Variants in PYHIN1 observed in about 807,000 individuals in gnomAD.
PYHIN1 encodes the protein pyrin and HIN domain-containing protein 1.
PYHIN1 carries 32 observed loss-of-function variants against 43.7 expected under a neutral mutation model. The ratio of observed to expected loss-of-function variants is 0.73; its 90% confidence interval spans 0.55 to 0.98. The LOEUF is 0.98. Ranked by LOEUF, PYHIN1 falls within the 50% of genes least tolerant of loss-of-function variation. The probability of loss-of-function intolerance (pLI) is 0.00; values close to 1 mark genes in which losing one functional copy is unlikely to be tolerated. For missense variants in PYHIN1, 588 were observed against 589.5 expected (o/e 1.00, Z 0.03); for synonymous variants, 205 against 203.1 (o/e 1.01, Z -0.08).
chr1:158,961,833 G>C (rs1006608011), intron 7 of PYHIN1, among the ~76,000 whole-genome samples: 1 of 152,134 alleles, frequency 6.6e-6, no homozygotes, highest in Non-Finnish European at 1.5e-5. Flanking sequence ...TGGAATTAGC[G>C]GCTGCAGCTC....
intron 7 of PYHIN1, among the ~76,000 whole-genome samples, chr1:158,947,142 A>G (rs1649267744): frequency 6.6e-6 from 1 of 152,224 alleles, no homozygotes; most frequent in African/African-American, 2.4e-5. Flanking sequence ...ATTGATCCCA[A>G]CTGAATACAA....
In PYHIN1 at chr1:158,933,488, T is replaced by C. The variant is rs1468774107; in HGVS notation, c.-21+1712T>C. Among the ~76,000 whole-genome samples the C allele has an allele frequency of 6.6e-6, 1 of 152,062 alleles. No homozygotes were observed. Among genetic ancestry groups the C allele is most frequent in the Non-Finnish European group, 1.5e-5 (1 of 67,932 alleles). On this transcript the variant is annotated intron_variant, in intron 1 of 8. Transcript: ENST00000368140. This position sits in a 1 kb window ranked among gnomAD's most constrained non-coding sequence, Gnocchi z 6.3. ...CATAGATAAGCTGGCTTTCTTCTAG[T>C]TTCTCCTTGCATGATAATTTAAATT...
chr1:158,962,824 G>A (rs957988574), intron 7 of PYHIN1, among the ~76,000 whole-genome samples: 1 of 151,978 alleles, frequency 6.6e-6, no homozygotes, highest in Admixed American at 6.5e-5. Context: ...CTAAGCATAC[G>A]GTCTGCTAGT....
At chr1:158,943,672 C>T (rs572512827) in intron 5 of PYHIN1, 118 bp from the exon 6 acceptor site, 5 of 607,080 alleles carry the variant, frequency 8.2e-6, no homozygotes, top group Admixed American at 3.0e-5. Flanking sequence ...TATTGTATGT[C>T]GATACAGTAC....
Position 158,973,670 on chromosome 1 carries a change from A to G in PYHIN1, c.1383A>G (p.Ala461=), listed in dbSNP as rs749877291. The part of the protein sequence containing the change: ...FTKKDETHPG[A]QSSPANFRIT... ...AGAAGGATGAAACCCACCCAGGAGCACAGTCATCGCCTGCAAACTTTAGAA... is the reference window on the plus strand; with the variant it reads ...AGAAGGATGAAACCCACCCAGGAGCGCAGTCATCGCCTGCAAACTTTAGAA... The change falls in exon 8 of 9, where the codon GCA becomes GCG. Residue 461 remains alanine (A), a synonymous_variant. Coordinates refer to ENST00000368140, the MANE Select transcript of PYHIN1 (RefSeq NM_152501.5). 1.9e-6 allele frequency: 3 copies of G among 1,613,230 alleles called. No individual in the cohort carries two copies. The highest frequency in any genetic ancestry group is 1.3e-5 in the African/African-American group (1 of 74,984).
At chr1:158,950,374 A>G (rs1649460986) in intron 7 of PYHIN1, among the ~76,000 whole-genome samples, 1 of 152,144 alleles carries the variant, frequency 6.6e-6, no homozygotes, top group South Asian at 2.1e-4. Context: ...GGCTTGTGTC[A>G]TCCGAGGAAG....
At chr1:158,973,216 G>A (rs147026394) in intron 7 of PYHIN1, among the ~76,000 whole-genome samples, 83 of 152,114 alleles carry the variant, frequency 5.5e-4, no homozygotes, top group African/African-American at 1.9e-3. Flanking sequence ...CTTTACAGGA[G>A]TTTGCTATAT....
Position 158,942,408 on chromosome 1 carries a change from T to G in PYHIN1, c.1002+9T>G, listed in dbSNP as rs756641329. On this transcript the variant is annotated intron_variant, in intron 5 of 8. Coordinates refer to ENST00000368140, the MANE Select transcript of PYHIN1 (RefSeq NM_152501.5). ...TATTTATGCTACATACGGTAAGGCA[T>G]CAAAGCTATTTTGTGGCATTTTCTA... is the stretch of plus-strand genomic sequence containing the variant. 5.1e-6 allele frequency: 8 copies of G among 1,554,064 alleles called. No homozygotes were observed. The South Asian group carries it at 1.0e-4, about 19-fold the overall frequency.
At chr1:158,934,336 T>C (rs1648375648) in intron 1 of PYHIN1, among the ~76,000 whole-genome samples, 1 of 152,224 alleles carries the variant, frequency 6.6e-6, no homozygotes, top group South Asian at 2.1e-4. Context: ...GTTGTCATAC[T>C]CACAAAACAA....
At chr1:158,948,931 A>G (rs1649369863) in intron 7 of PYHIN1, among the ~76,000 whole-genome samples, 1 of 152,212 alleles carries the variant, frequency 6.6e-6, no homozygotes, top group African/African-American at 2.4e-5. Context: ...TGGGTCACAA[A>G]GGCGGAGTTT....
At chr1:158,941,034 T>C (rs964962426) in intron 4 of PYHIN1, among the ~76,000 whole-genome samples, 2 of 152,226 alleles carry the variant, frequency 1.3e-5, no homozygotes, top group African/African-American at 4.8e-5. Flanking sequence ...GATTAACTTG[T>C]GTTGGGAAAG....
chr1:158,967,976 A>G (rs1222015590), intron 7 of PYHIN1, among the ~76,000 whole-genome samples: 1 of 152,120 alleles, frequency 6.6e-6, no homozygotes, highest in African/African-American at 2.4e-5. Context: ...TGTAAAATCT[A>G]AAACTATAAA....
Position 158,939,003 on chromosome 1 carries a change from T to C in PYHIN1, c.412-77T>C, listed in dbSNP as rs1648731184. 5 of 1,111,646 alleles carry C rather than the reference T, an allele frequency of 4.5e-6. No individual in the cohort carries two copies. The African/African-American group carries it at 7.9e-5, about 18-fold the overall frequency. The allele number at this position is 1,111,646 out of a possible 1,614,324, so 68.9% of individuals were successfully genotyped here. A position where few individuals can be genotyped will look rare whatever the true frequency, so the allele number is the denominator to read the frequency against. On this transcript the variant is annotated intron_variant, in intron 3 of 8. Coordinates refer to ENST00000368140, the MANE Select transcript of PYHIN1 (RefSeq NM_152501.5). ...AAAAACAATTTATATACAATAAATA[T>C]ATTACCTTGTAATGAAAATGTGCTC...
the PYHIN1 span, among the ~76,000 whole-genome samples, chr1:158,984,656 T>C: frequency 6.6e-6 from 1 of 152,198 alleles, no homozygotes; most frequent in Non-Finnish European, 1.5e-5. Flanking sequence ...CTTATATGTC[T>C]GTTAGGTCAA....
the PYHIN1 span, among the ~76,000 whole-genome samples, chr1:158,985,920 C>G: frequency 6.6e-6 from 1 of 152,080 alleles, no homozygotes; most frequent in Non-Finnish European, 1.5e-5. Flanking sequence ...TCTGAGATTT[C>G]TTTCCTCAGC....
chr1:158,978,925 G>A (rs542876032), downstream of PYHIN1, among the ~76,000 whole-genome samples: 1 of 152,286 alleles, frequency 6.6e-6, no homozygotes, highest in African/African-American at 2.4e-5. Flanking sequence ...TTTGAAATGT[G>A]TGAACCAAAG....
chr1:158,956,688 T>G (rs1035164980), intron 7 of PYHIN1, among the ~76,000 whole-genome samples: 56 of 151,208 alleles, frequency 3.7e-4, no homozygotes, highest in African/African-American at 1.1e-3. Context: ...CTTTGAAAAC[T>G]GGCACAAGAC....
the PYHIN1 span, among the ~76,000 whole-genome samples, chr1:158,983,071 T>A: frequency 6.6e-6 from 1 of 152,164 alleles, no homozygotes; most frequent in South Asian, 2.1e-4. Flanking sequence ...GGGTATAGAA[T>A]CATATTACCT....
At chr1:158,947,222 G>T (rs1236446107) in intron 7 of PYHIN1, among the ~76,000 whole-genome samples, 1 of 151,986 alleles carries the variant, frequency 6.6e-6, no homozygotes, top group Non-Finnish European at 1.5e-5. Flanking sequence ...TTGTCTTTTG[G>T]TGTTTACAAA....
Sources: allele counts gnomAD v4.1 joint callset (sites outside exome capture counted in the v4.1 genomes callset), GRCh38; gene constraint gnomAD v4.1.1; non-coding constraint Gnocchi (gnomAD v3.1); transcripts MANE v1.5; gene names NCBI Gene and HGNC (gene_info 2026-07-23, HGNC 2026-07-21).